Variants in PAPPA observed in about 807,000 individuals in gnomAD.
The protein encoded by PAPPA is pappalysin-1.
A neutral mutation model predicts 164.0 loss-of-function variants in PAPPA; 60 were observed. The observed-to-expected ratio is 0.37, with a 90% confidence interval of 0.30 to 0.45. The LOEUF is 0.45. Among genes scored for constraint, PAPPA ranks in the 20% least tolerant of loss-of-function variants. The pLI is 1.00. For synonymous variants in PAPPA, 875 were observed against 814.1 expected, an observed-to-expected ratio of 1.07 and a Z score of -1.27; for missense variants, 1,782 against 2,087.3, an observed-to-expected ratio of 0.85 and a Z score of 2.85.
intron 18 of PAPPA, among the ~76,000 whole-genome samples, chr9:116,365,086 AT>A (rs1374638630): frequency 3.3e-5 from 5 of 152,104 alleles, no homozygotes; most frequent in African/African-American, 1.2e-4. Flanking sequence ...TTTCCTCCAA[AT>A]GCGCCTGACT....
intron 7 of PAPPA, among the ~76,000 whole-genome samples, chr9:116,248,294 T>A (rs1256721850): frequency 1.3e-5 from 2 of 152,194 alleles, no homozygotes; most frequent in African/African-American, 4.8e-5. Flanking sequence ...GAGACCTGGA[T>A]TCTAGTACTG....
chr9:116,171,465 C>T (rs939019312), intron 1 of PAPPA, among the ~76,000 whole-genome samples: 4 of 151,964 alleles, frequency 2.6e-5, no homozygotes, highest in Non-Finnish European at 4.4e-5. Context: ...AGGACACAAC[C>T]TGCCTTTTTC....
chr9:116,351,885 T>C (rs1846286913), intron 15 of PAPPA, among the ~76,000 whole-genome samples: 1 of 152,130 alleles, frequency 6.6e-6, no homozygotes, highest in Admixed American at 6.5e-5. Context: ...CACCATTCAG[T>C]AATAACCAGG....
At chr9:116,374,733 G>A (rs1251257807) in intron 19 of PAPPA, among the ~76,000 whole-genome samples, 1 of 152,170 alleles carries the variant, frequency 6.6e-6, no homozygotes, top group Non-Finnish European at 1.5e-5. Flanking sequence ...TAACTCTGCT[G>A]TTTTCCACTT....
At position 116,369,643 on chromosome 9, in the gene PAPPA, C is replaced by A. The variant is rs74645392; in HGVS notation, c.4605+1889C>A. 4.1e-4 allele frequency among the ~76,000 whole-genome samples: 62 copies of A among 152,250 alleles called. 1 individual carries two copies. In the East Asian group the frequency reaches 0.012, roughly 29 times the overall value. On this transcript the variant is annotated intron_variant, in intron 19 of 21. Coordinates refer to ENST00000328252, the MANE Select transcript of PAPPA (RefSeq NM_002581.5). ...CCCACTTAAGACCTTTTTCCTACCC[C>A]CTGGGCAAATTCCCACCCTTCCCTC... is the stretch of plus-strand genomic sequence containing the variant.
At chr9:116,349,735 T>TA (rs1172285480) in intron 15 of PAPPA, among the ~76,000 whole-genome samples, 1 of 152,170 alleles carries the variant, frequency 6.6e-6, no homozygotes, top group African/African-American at 2.4e-5. Flanking sequence ...TTTTCTGCAT[T>TA]AAAAGATGAA....
intron 9 of PAPPA, among the ~76,000 whole-genome samples, chr9:116,276,785 C>T (rs1564207455): frequency 6.6e-6 from 1 of 152,146 alleles, no homozygotes; most frequent in Non-Finnish European, 1.5e-5. Flanking sequence ...GCATCCCCAG[C>T]CCTGTCCTAG....
In PAPPA at chr9:116,188,006, A is replaced by C. The variant is rs1195318723; in HGVS notation, c.1268A>C (p.Asn423Thr). Residue 423 changes from asparagine to threonine, a missense_variant, in exon 2 of 22, where the codon AAC becomes ACC. This residue lies in a region of PAPPA where 1,324 missense variants were observed against 1,656.9 expected (regional missense o/e 0.80). Coordinates refer to ENST00000328252, the MANE Select transcript of PAPPA (RefSeq NM_002581.5). ...GACATCAGCAAGATTGGGGATGAGA[A>C]CTGTGACCCCGAGTGCAACCACACG... ...NCDISKIGDE[N>T]CDPECNHTLT... 9 of 1,614,148 alleles carry C rather than the reference A, an allele frequency of 5.6e-6. No individual in the cohort carries two copies. The highest frequency in any genetic ancestry group is 1.6e-4 in the Middle Eastern group (1 of 6,062).
At chr9:116,200,421 G>A (rs1169737317) in intron 2 of PAPPA, among the ~76,000 whole-genome samples, 1 of 152,148 alleles carries the variant, frequency 6.6e-6, no homozygotes, top group Non-Finnish European at 1.5e-5. Context: ...CAACAGACTA[G>A]GGGTTGTGTC....
At chr9:116,242,004 TG>T (rs572169851) in intron 7 of PAPPA, among the ~76,000 whole-genome samples, 11 of 152,320 alleles carry the variant, frequency 7.2e-5, no homozygotes, top group African/African-American at 2.4e-4. Context: ...ATATAATCCA[TG>T]TTAAGTAATA....
intron 10 of PAPPA, among the ~76,000 whole-genome samples, chr9:116,303,319 T>C (rs577009207): frequency 6.6e-6 from 1 of 152,212 alleles, no homozygotes; most frequent in East Asian, 1.9e-4. Flanking sequence ...ACAGTAATTA[T>C]ACAGTAATTT....
intron 10 of PAPPA, among the ~76,000 whole-genome samples, chr9:116,324,867 A>T (rs931296326): frequency 5.9e-5 from 9 of 152,160 alleles, no homozygotes; most frequent in African/African-American, 1.7e-4. Context: ...GAGCACAGAG[A>T]GCAGTGAAAT....
chr9:116,395,952 A>C (rs1588035122), intron 21 of PAPPA, among the ~76,000 whole-genome samples: 2 of 152,290 alleles, frequency 1.3e-5, no homozygotes, highest in East Asian at 1.9e-4. Context: ...TATACATCAG[A>C]TATTCCATTA....
In PAPPA at chr9:116,187,450, C is replaced by G. The variant is rs1295411612; in HGVS notation, c.712C>G (p.Leu238Val). 6 of 1,614,044 alleles carry G rather than the reference C, an allele frequency of 3.7e-6. No homozygotes were observed. The Admixed American group carries it at 5.0e-5, about 13-fold the overall frequency. ...FSPLTQKCKV[L>V]MLGGSALNHN... ...CCCACTGACCCAGAAGTGCAAAGTGCTCATGTTAGGGGGCAGTGCCCTGAA... is the reference window on the plus strand; with the variant it reads ...CCCACTGACCCAGAAGTGCAAAGTGGTCATGTTAGGGGGCAGTGCCCTGAA... Residue 238 changes from leucine to valine, a missense_variant, in exon 2 of 22, where the codon CTC (leucine) becomes GTC (valine). Transcript: ENST00000328252. The surrounding 1 kb of genome is among the most constrained non-coding windows in gnomAD (Gnocchi z 4.2).
Position 116,302,694 on chromosome 9 carries a change from A to T in PAPPA, c.2954-63A>T. 3 of 1,400,336 alleles carry T rather than the reference A, an allele frequency of 2.1e-6. No homozygotes were observed. In the Admixed American group the frequency reaches 5.5e-5, roughly 26 times the overall value. The allele number at this position is 1,400,336 out of a possible 1,614,324, so 86.7% of individuals were successfully genotyped here. On this transcript the variant is annotated intron_variant, in intron 9 of 21. Coordinates refer to ENST00000328252, the MANE Select transcript of PAPPA (RefSeq NM_002581.5). ...TGGTCTGACTCTGCAGCTGCTGATG[A>T]TTGCTGAGGCCAAAGAACAAATATT...
intron 2 of PAPPA, among the ~76,000 whole-genome samples, chr9:116,188,975 C>G (rs1291063065): frequency 6.6e-6 from 1 of 152,132 alleles, no homozygotes; most frequent in Non-Finnish European, 1.5e-5. Context: ...CATTACTTGT[C>G]TAATGAAAGG....
At chr9:116,180,554 A>G (rs1843892308) in intron 1 of PAPPA, among the ~76,000 whole-genome samples, 1 of 152,198 alleles carries the variant, frequency 6.6e-6, no homozygotes, top group Admixed American at 6.5e-5. Flanking sequence ...ATTTAAAAAT[A>G]CCACTTTTTC....
At chr9:116,377,189 CACAT>C (rs1846665221) in intron 19 of PAPPA, among the ~76,000 whole-genome samples, 2 of 151,340 alleles carry the variant, frequency 1.3e-5, no homozygotes, top group African/African-American at 4.9e-5. Flanking sequence ...TACACACACA[CACAT>C]GCAAACACAC....
intron 10 of PAPPA, chr9:116,318,589 C>T (rs1358709365): frequency 6.6e-6 from 1 of 152,146 alleles, no homozygotes; most frequent in Non-Finnish European, 1.5e-5. Context: ...TCTTTTAACC[C>T]CGTCAGCATC....
Sources: gnomAD v4.1 joint callset for allele counts (sites outside exome capture counted in the v4.1 genomes callset) on GRCh38, gnomAD v4.1.1 for gene constraint, gnomAD v4.1.1 regional missense constraint, Gnocchi (gnomAD v3.1) non-coding constraint, MANE v1.5 for transcripts, NCBI Gene and HGNC (gene_info 2026-07-23, HGNC 2026-07-21) for gene names.